SLC44A5: variants seen among roughly 807,000 people sequenced by gnomAD.
The protein encoded by SLC44A5 is choline transporter-like protein 5.
In SLC44A5, 57 loss-of-function variants were observed where a neutral mutation model predicts 101.8. The ratio of observed to expected loss-of-function variants is 0.56; its 90% CI spans 0.45 to 0.70. The LOEUF (loss-of-function observed/expected upper bound fraction) is 0.70. Among genes scored for constraint, SLC44A5 ranks in the 30% least tolerant of loss-of-function variants. The pLI is 0.00. For missense variants in SLC44A5, 737 were observed against 853.1 expected, an observed-to-expected ratio of 0.86 and a Z score of 1.70; for synonymous variants, 281 against 290.9, an observed-to-expected ratio of 0.97 and a Z score of 0.35.
At position 75,237,022 on chromosome 1, in the gene SLC44A5, A is replaced by G; in HGVS notation, c.705T>C (p.Phe235=). Reference sequence around the variant, plus strand: ...AATACCAAGTTCTTGCATAGTCTTCAAACACTTTCAATCCAAGTGACTTTG... The same window carrying G: ...AATACCAAGTTCTTGCATAGTCTTCGAACACTTTCAATCCAAGTGACTTTG... ...LDAKSLGLKV[F]EDYARTWYWI... is the part of the protein sequence containing the mutation. Residue 235 remains phenylalanine, a synonymous_variant, in exon 11 of 24, where the codon TTT becomes TTC. Transcript: ENST00000370859. 1 of 1,603,946 alleles carries G rather than the reference A, an allele frequency of 6.2e-7. No individual in the cohort carries two copies. The highest frequency in any genetic ancestry group is 8.5e-7 in the Non-Finnish European group (1 of 1,172,812).
At chr1:75,660,359 AACCCACAGCT>A in the SLC44A5 span, among the ~76,000 whole-genome samples, 1 of 152,206 alleles carries the variant, frequency 6.6e-6, no homozygotes, top group Non-Finnish European at 1.5e-5. Context: ...ATTTATGACA[AACCCACAGCT>A]AGCATAATAC....
chr1:75,646,321 G>T, the SLC44A5 span, among the ~76,000 whole-genome samples: 1 of 151,256 alleles, frequency 6.6e-6, no homozygotes, highest in Non-Finnish European at 1.5e-5. Flanking sequence ...GCAGTGGTTT[G>T]TAGTTCTCCT....
chr1:75,267,837 C>G (rs1240456756), intron 6 of SLC44A5, among the ~76,000 whole-genome samples: 5 of 152,058 alleles, frequency 3.3e-5, no homozygotes, highest in Non-Finnish European at 7.4e-5. Flanking sequence ...TCCCAAAGGG[C>G]TAGGATTACA....
chr1:75,691,655 A>G, the SLC44A5 span, among the ~76,000 whole-genome samples: 2 of 152,112 alleles, frequency 1.3e-5, no homozygotes, highest in Non-Finnish European at 2.9e-5. Context: ...AGCCTCTGGG[A>G]GCTAAGTTGA....
chr1:75,434,007 T>G (rs1664753964), intron 2 of SLC44A5, among the ~76,000 whole-genome samples: 3 of 151,828 alleles, frequency 2.0e-5, no homozygotes, highest in Admixed American at 1.3e-4. Flanking sequence ...ACGCCCATGA[T>G]TAAATTATCT....
rs756749410 is a variant in SLC44A5 at position 75,274,989 on chromosome 1, G to T, written c.229C>A (p.His77Asn). The part of the protein sequence containing the change: ...RAAYPTDSQG[H>N]FCGQKGTPNE... ...GGAGTGCCCTTCTGGCCACAAAAGT[G>T]GCCCTGGCTGTCTGTAGGATAGGCT... The change falls in exon 6 of 24, where the codon CAC becomes AAC. Residue 77 changes from histidine to asparagine, a missense_variant. Physicochemically the swap from His to Asn is moderately conservative, Grantham distance 68 (BLOSUM62 1). This residue lies in a region of SLC44A5 where 665 missense variants were observed against 764.4 expected (regional missense o/e 0.87). Transcript: ENST00000370859. 3.7e-6 allele frequency: 6 copies of T among 1,612,750 alleles called. No individual in the cohort carries two copies. The African/African-American group carries it at 5.3e-5, about 14-fold the overall frequency.
intron 5 of SLC44A5, among the ~76,000 whole-genome samples, chr1:75,290,306 G>A (rs1381710012): frequency 6.6e-6 from 1 of 152,202 alleles, no homozygotes; most frequent in Non-Finnish European, 1.5e-5. Context: ...AGCATGGCAG[G>A]ATCCTAGCAG....
chr1:75,388,631 T>C (rs1661568804), intron 3 of SLC44A5, among the ~76,000 whole-genome samples: 1 of 151,904 alleles, frequency 6.6e-6, no homozygotes, highest in African/African-American at 2.4e-5. Flanking sequence ...ATACAAAAAT[T>C]AGCCAGGCGT....
At position 75,378,131 on chromosome 1, in the gene SLC44A5, GA is replaced by G. The variant is rs1432510130; in HGVS notation, c.52+18451del. ...GGTCATTGAGGACAAGTCGACGAGAGATCCCAAGTACGTCTACAGTCAGCCT... is the reference window on the plus strand; with the variant it reads ...GGTCATTGAGGACAAGTCGACGAGAGTCCCAAGTACGTCTACAGTCAGCCT... On this transcript the variant is annotated intron_variant, in intron 3 of 23. Coordinates refer to ENST00000370859, the MANE Select transcript of SLC44A5 (RefSeq NM_001130058.2). Among the ~76,000 whole-genome samples the G allele has an allele frequency of 7.4e-5, 6 of 81,348 alleles. No homozygotes were observed. In the South Asian group the frequency reaches 1.5e-3, roughly 20 times the overall value. The allele number at this position is 81,348 out of a possible 152,430, so 53.4% of individuals were successfully genotyped here.
chr1:75,698,289 T>C, the SLC44A5 span, among the ~76,000 whole-genome samples: 10 of 152,154 alleles, frequency 6.6e-5, no homozygotes, highest in Admixed American at 1.3e-4. Flanking sequence ...GTTCTCCCAG[T>C]ACGCAGCTGG....
At chr1:75,352,549 A>G (rs952239915) in intron 3 of SLC44A5, among the ~76,000 whole-genome samples, 2 of 152,194 alleles carry the variant, frequency 1.3e-5, no homozygotes, top group South Asian at 2.1e-4. Context: ...ATTCAATCTC[A>G]TTAGCAATTA....
At chr1:75,259,621 G>A (rs1650317408) in intron 6 of SLC44A5, among the ~76,000 whole-genome samples, 1 of 152,154 alleles carries the variant, frequency 6.6e-6, no homozygotes, top group Non-Finnish European at 1.5e-5. Context: ...ATATTAGCCA[G>A]GAGAACTTCC....
At chr1:75,633,973 G>A in the SLC44A5 span, among the ~76,000 whole-genome samples, 1 of 152,060 alleles carries the variant, frequency 6.6e-6, no homozygotes, top group East Asian at 1.9e-4. Flanking sequence ...CATCTATTGA[G>A]ATAATCATGT....
chr1:75,389,061 C>T (rs1304816070), intron 3 of SLC44A5, among the ~76,000 whole-genome samples: 1 of 151,668 alleles, frequency 6.6e-6, no homozygotes, highest in Admixed American at 6.6e-5. Flanking sequence ...GATTTAAACT[C>T]ACAACAGAAA....
chr1:75,635,631 G>A, the SLC44A5 span, among the ~76,000 whole-genome samples: 2 of 128,156 alleles, frequency 1.6e-5, no homozygotes, highest in Non-Finnish European at 3.2e-5. Context: ...ACAGGAAGGG[G>A]AACATCACAC....
intron 2 of SLC44A5, among the ~76,000 whole-genome samples, chr1:75,500,469 A>C (rs1668901591): frequency 6.6e-6 from 1 of 152,100 alleles, no homozygotes; most frequent in African/African-American, 2.4e-5. Context: ...CACCCTTGGA[A>C]GCCATATGTT....
At chr1:75,674,073 C>T in the SLC44A5 span, among the ~76,000 whole-genome samples, 4 of 151,982 alleles carry the variant, frequency 2.6e-5, no homozygotes, top group African/African-American at 9.7e-5. Flanking sequence ...AAAGAAGACA[C>T]CAGGCACCAG....
chr1:75,594,330 A>G (rs2102122199), intron 1 of SLC44A5, among the ~76,000 whole-genome samples: 1 of 152,136 alleles, frequency 6.6e-6, no homozygotes, highest in East Asian at 1.9e-4. Flanking sequence ...GGGAAAAAAA[A>G]GAACATGTTT....
chr1:75,559,693 C>T (rs1672412487), intron 1 of SLC44A5, among the ~76,000 whole-genome samples: 1 of 152,050 alleles, frequency 6.6e-6, no homozygotes, highest in South Asian at 2.1e-4. Context: ...ACTTGGACTT[C>T]ACTAAAAATT....
Sources: allele counts gnomAD v4.1 joint callset (sites outside exome capture counted in the v4.1 genomes callset), GRCh38; gene constraint gnomAD v4.1.1; regional missense constraint gnomAD v4.1.1; transcripts MANE v1.5; gene names NCBI Gene and HGNC (gene_info 2026-07-23, HGNC 2026-07-21).